The following ADGRL3 variants were observed in gnomAD, a reference collection of about 807,000 sequenced individuals.
ADGRL3 encodes calcium-independent alpha-latrotoxin receptor 3.
A neutral mutation model predicts 153.5 loss-of-function variants in ADGRL3; 62 were observed. That is an observed-to-expected ratio of 0.40 (90% CI 0.33 to 0.50). ADGRL3 has a LOEUF of 0.50. ADGRL3 is among the 20% of genes least tolerant of loss of function. The pLI is 0.47. For missense variants in ADGRL3, 1,641 were observed against 1,859.4 expected, an observed-to-expected ratio of 0.88 and a Z score of 2.16; for synonymous variants, 710 against 672.5, an observed-to-expected ratio of 1.06 and a Z score of -0.86.
At chr4:61,480,957 A>T (rs919421025) in intron 2 of ADGRL3, among the ~76,000 whole-genome samples, 7 of 152,074 alleles carry the variant, frequency 4.6e-5, no homozygotes, top group Admixed American at 4.6e-4. Context: ...ACAGCCAATC[A>T]CTCTAAAAGA....
intron 13 of ADGRL3, among the ~76,000 whole-genome samples, chr4:61,932,422 T>A (rs2098821331): frequency 6.6e-6 from 1 of 152,158 alleles, no homozygotes; most frequent in East Asian, 1.9e-4. Flanking sequence ...TTTTTATGCA[T>A]CTATTAAGAC....
chr4:62,026,901 C>T (rs932699767), intron 21 of ADGRL3, among the ~76,000 whole-genome samples: 1 of 152,092 alleles, frequency 6.6e-6, no homozygotes, highest in South Asian at 2.1e-4. Context: ...CTACATGTAT[C>T]CCATAGCATC....
At chr4:61,466,958 A>C (rs916714792) in intron 2 of ADGRL3, among the ~76,000 whole-genome samples, 3 of 152,122 alleles carry the variant, frequency 2.0e-5, no homozygotes, top group Non-Finnish European at 4.4e-5. Context: ...TATTTAGCCA[A>C]ATGCACAAAA....
chr4:61,532,530 A>ATG (rs1168915893), intron 4 of ADGRL3, among the ~76,000 whole-genome samples: 4 of 100,798 alleles, frequency 4.0e-5, no homozygotes, highest in East Asian at 3.2e-4. Flanking sequence ...AGGATGCTGC[A>ATG]TGCGCGCGCG....
chr4:61,286,772 G>A (rs753018350), intron 1 of ADGRL3, among the ~76,000 whole-genome samples: 1 of 151,530 alleles, frequency 6.6e-6, no homozygotes, highest in Non-Finnish European at 1.5e-5. Flanking sequence ...GCCCTAACGT[G>A]AATGACATGA....
intron 6 of ADGRL3, among the ~76,000 whole-genome samples, chr4:61,697,532 C>T (rs1160205913): frequency 1.1e-4 from 16 of 142,296 alleles, no homozygotes; most frequent in African/African-American, 2.6e-5. Context: ...ACACTCCAGC[C>T]GGGATGGCAA....
At chr4:61,864,179 A>G (rs1393423856) in intron 9 of ADGRL3, among the ~76,000 whole-genome samples, 1 of 152,228 alleles carries the variant, frequency 6.6e-6, no homozygotes, top group Non-Finnish European at 1.5e-5. Flanking sequence ...CTTAGTTTTA[A>G]AAGCTGGTAA....
chr4:61,988,696 C>T (rs191855827), intron 19 of ADGRL3, among the ~76,000 whole-genome samples: 29 of 152,138 alleles, frequency 1.9e-4, no homozygotes, highest in East Asian at 3.9e-4. Flanking sequence ...ATAGCATTTT[C>T]GACTCAGTCT....
intron 6 of ADGRL3, among the ~76,000 whole-genome samples, chr4:61,705,449 A>G (rs1442995703): frequency 4.0e-5 from 6 of 148,614 alleles, no homozygotes; most frequent in Non-Finnish European, 8.9e-5. Flanking sequence ...TATGTTACAT[A>G]TATATTTATA....
At chr4:61,322,144 TTG>T (rs1421198518) in intron 1 of ADGRL3, among the ~76,000 whole-genome samples, 1 of 152,108 alleles carries the variant, frequency 6.6e-6, no homozygotes, top group African/African-American at 2.4e-5. Flanking sequence ...AAGAGAGAGC[TTG>T]TGCAGAGAAA....
rs145440653 is a variant in ADGRL3, at chr4:61,493,367, G to C, written c.-173-3754G>C. ...TGCCTAAATCAAATGTCAAATGTCC[G>C]AGTAGAGATGGCTCTATGTCCTGCT... On this transcript the variant is annotated intron_variant, in intron 2 of 26. Coordinates refer to ENST00000683033, the MANE Select transcript of ADGRL3 (RefSeq NM_001387552.1). Among the ~76,000 whole-genome samples, 162 of 152,226 alleles carry C rather than the reference G, an allele frequency of 1.1e-3. 1 individual carries two copies. Among genetic ancestry groups the C allele is most frequent in the Non-Finnish European group, 1.8e-3 (124 of 68,016 alleles).
intron 2 of ADGRL3, among the ~76,000 whole-genome samples, chr4:61,403,437 T>C (rs576932026): frequency 1.3e-5 from 2 of 152,124 alleles, no homozygotes; most frequent in South Asian, 4.1e-4. Flanking sequence ...TAGTGAAGTC[T>C]CATAACCCAG....
chr4:61,353,951 T>G (rs894154338), intron 1 of ADGRL3, among the ~76,000 whole-genome samples: 9 of 152,102 alleles, frequency 5.9e-5, no homozygotes, highest in Admixed American at 3.9e-4. Context: ...GATTTAACAT[T>G]CTCATTTTCA....
At chr4:61,658,239 C>T (rs1420311791) in intron 5 of ADGRL3, among the ~76,000 whole-genome samples, 1 of 152,086 alleles carries the variant, frequency 6.6e-6, no homozygotes, top group African/African-American at 2.4e-5. Flanking sequence ...CTTATTTTTT[C>T]CATCTCCATT....
At chr4:61,935,093 T>C (rs1342670655) in intron 14 of ADGRL3, 70 bp downstream of exon 14, 3 of 1,323,170 alleles carry the variant, frequency 2.3e-6, no homozygotes, top group Non-Finnish European at 3.2e-6. Context: ...GAAAAAAGTA[T>C]CTCTGGTGTC....
chr4:61,462,622 G>A (rs528251449), intron 2 of ADGRL3, among the ~76,000 whole-genome samples: 63 of 152,176 alleles, frequency 4.1e-4, no homozygotes, highest in African/African-American at 1.5e-3. Flanking sequence ...AATTATCTAA[G>A]TGTCAGTTAA....
intron 8 of ADGRL3, among the ~76,000 whole-genome samples, chr4:61,750,024 C>G (rs1228436262): frequency 6.6e-6 from 1 of 151,728 alleles, no homozygotes; most frequent in African/African-American, 2.4e-5. Context: ...TCCTTTCTTT[C>G]CTTCAGACAG....
At chr4:61,865,950 T>G (rs2149329017) in intron 9 of ADGRL3, among the ~76,000 whole-genome samples, 1 of 152,330 alleles carries the variant, frequency 6.6e-6, no homozygotes, top group Admixed American at 6.5e-5. Flanking sequence ...GGGATTTTTG[T>G]ATTACCCCAT....
intron 5 of ADGRL3, among the ~76,000 whole-genome samples, chr4:61,612,201 A>T (rs2091447790): frequency 6.6e-6 from 1 of 152,182 alleles, no homozygotes; most frequent in South Asian, 2.1e-4. Context: ...ATGCTTCAGA[A>T]ATGAAAGCAA....
Sources: allele counts gnomAD v4.1 joint callset (sites outside exome capture counted in the v4.1 genomes callset), GRCh38; gene constraint gnomAD v4.1.1; transcripts MANE v1.5; gene names NCBI Gene and HGNC (gene_info 2026-07-23, HGNC 2026-07-21).